IFFO2: variants seen among roughly 807,000 people sequenced by gnomAD.
IFFO2 encodes the protein intermediate filament family orphan 2.
Under a neutral mutation model 53.5 loss-of-function variants are expected in IFFO2, and 19 were observed. The ratio of observed to expected loss-of-function variants is 0.36; its 90% CI spans 0.25 to 0.52. The LOEUF is 0.52. Among genes scored for constraint, IFFO2 ranks in the 20% least tolerant of loss-of-function variants. IFFO2 has a pLI of 0.94. For synonymous variants in IFFO2, 303 were observed against 313.6 expected (o/e 0.97, Z 0.36); for missense variants, 570 against 727.4 (o/e 0.78, Z 2.49).
chr1:18,927,884 C>T (rs529147071), intron 1 of IFFO2, among the ~76,000 whole-genome samples: 18 of 152,318 alleles, frequency 1.2e-4, no homozygotes, highest in Admixed American at 8.5e-4. Context: ...AAACCACAAC[C>T]GAGTCAACTT....
At chr1:18,932,238 G>A (rs1046498472) in intron 1 of IFFO2, among the ~76,000 whole-genome samples, 2 of 152,244 alleles carry the variant, frequency 1.3e-5, no homozygotes, top group African/African-American at 4.8e-5. Context: ...CACAGGCTCC[G>A]AATAAACGGA....
intron 7 of IFFO2, 29 bp downstream of exon 7, chr1:18,911,355 C>T (rs1256289340): frequency 3.2e-5 from 40 of 1,248,928 alleles, no homozygotes; most frequent in East Asian, 5.7e-5. Context: ...GAGAGCCTCA[C>T]GAGTGGGCTC....
At position 18,908,587 on chromosome 1, in the gene IFFO2, C is replaced by A; in HGVS notation, c.1528G>T (p.Ala510Ser). ...CAGCTGACCATGGGCTCCACATCCG[C>A]CTCGCGCTCGAACTCATCCTGGATC... ...DEIQDEFERE[A>S]DVEPMVS Residue 510 changes from alanine (A) to serine (S), a missense_variant, in exon 9 of 9, where the codon GCG becomes TCG. Physicochemically the swap from Ala to Ser is moderately conservative, Grantham distance 99. Transcript: ENST00000455833. 2 of 1,551,754 alleles carry A rather than the reference C, an allele frequency of 1.3e-6. No homozygotes were observed. Among genetic ancestry groups the A allele is most frequent in the Non-Finnish European group, 1.7e-6 (2 of 1,146,942 alleles).
intron 1 of IFFO2, among the ~76,000 whole-genome samples, chr1:18,939,194 C>T (rs1316308939): frequency 2.0e-5 from 3 of 152,210 alleles, no homozygotes; most frequent in Non-Finnish European, 4.4e-5. Flanking sequence ...CCCAGGACCG[C>T]CAGGAATCTG....
intron 1 of IFFO2, among the ~76,000 whole-genome samples, chr1:18,948,717 A>G (rs1290872646): frequency 1.3e-5 from 2 of 152,136 alleles, no homozygotes; most frequent in African/African-American, 4.8e-5. Context: ...GGGCTGTGCA[A>G]CTCACAGATG....
intron 1 of IFFO2, among the ~76,000 whole-genome samples, chr1:18,925,180 C>T (rs1488625362): frequency 6.6e-6 from 1 of 152,210 alleles, no homozygotes; most frequent in Admixed American, 6.5e-5. Flanking sequence ...CCGCTGAGCC[C>T]TCCCCTGGGG....
chr1:18,925,128 G>C (rs923080291), intron 1 of IFFO2, among the ~76,000 whole-genome samples: 3 of 152,110 alleles, frequency 2.0e-5, no homozygotes, highest in African/African-American at 7.2e-5. Context: ...CTTCTCGGTG[G>C]TATCCACCAC....
Position 18,918,289 on chromosome 1 carries a change from C to T in IFFO2, c.963+73G>A. 2.0e-6 allele frequency: 3 copies of T among 1,471,764 alleles called. No homozygotes were observed. The highest frequency in any genetic ancestry group is 2.5e-5 in the South Asian group (2 of 79,628). 91.2% of individuals were successfully genotyped at this position (1,471,764 alleles called of 1,614,324 possible). Reference sequence around the variant, plus strand: ...GGGATGTGGAGGCAAACGGGTTGGCCGGGCAGGGGTGGAGGCCAGGGCTGC... The same window carrying T: ...GGGATGTGGAGGCAAACGGGTTGGCTGGGCAGGGGTGGAGGCCAGGGCTGC... On this transcript the variant is annotated intron_variant, in intron 4 of 8. Transcript: ENST00000455833. This position sits in a 1 kb window ranked among gnomAD's most constrained non-coding sequence, Gnocchi z 5.2.
At chr1:18,938,972 C>T (rs1207790665) in intron 1 of IFFO2, among the ~76,000 whole-genome samples, 1 of 152,238 alleles carries the variant, frequency 6.6e-6, no homozygotes, top group East Asian at 1.9e-4. Context: ...GGCAACACTG[C>T]TTAACCCCTT....
chr1:18,946,412 T>A (rs1042463916), intron 1 of IFFO2, among the ~76,000 whole-genome samples: 8 of 138,710 alleles, frequency 5.8e-5, no homozygotes, highest in African/African-American at 2.2e-4. Flanking sequence ...CCACTTTCTT[T>A]TTTTTTTTTT....
At chr1:18,910,298 C>T in intron 8 of IFFO2, 44 bp downstream of exon 8, 1 of 1,563,876 alleles carries the variant, frequency 6.4e-7, no homozygotes, top group Non-Finnish European at 8.7e-7. Flanking sequence ...GAATTCCCCT[C>T]CAAGGATGCC....
chr1:18,911,600 A>G (rs2100641296), intron 6 of IFFO2, 124 bp from the exon 7 acceptor site: 1 of 426,110 alleles, frequency 2.3e-6, no homozygotes, highest in East Asian at 5.5e-5. Context: ...GTGCAGAGGT[A>G]TGATCTCGGC....
chr1:18,954,218 T>A (rs919340333), intron 1 of IFFO2, among the ~76,000 whole-genome samples: 1 of 152,242 alleles, frequency 6.6e-6, no homozygotes, highest in African/African-American at 2.4e-5. Context: ...TTCTACTCCC[T>A]GCTAGCTTGA....
chr1:18,918,271 G>A lies in IFFO2; in HGVS notation c.963+91C>T. The A allele has an allele frequency of 2.3e-6, 3 of 1,288,442 alleles. No homozygotes were observed. In the South Asian group the frequency reaches 4.1e-5, roughly 18 times the overall value. 79.8% of individuals were successfully genotyped at this position (1,288,442 alleles called of 1,614,324 possible). On this transcript the variant is annotated intron_variant, in intron 4 of 8. Transcript: ENST00000455833. The surrounding 1 kb of genome is among the most constrained non-coding windows in gnomAD (Gnocchi z 5.2). ...GAAGGGGAGGGAGTGAGTGGGATGT[G>A]GAGGCAAACGGGTTGGCCGGGCAGG...
At position 18,953,696 on chromosome 1, in the gene IFFO2, T is replaced by A. The variant is rs369208359; in HGVS notation, c.665+1972A>T. ...AAATGGAAGACAAGGTGTGCACGCA[T>A]CCCAGAAGGGCGGGAAGAGAGACGC... On this transcript the variant is annotated intron_variant, in intron 1 of 8. Transcript: ENST00000455833. Among the ~76,000 whole-genome samples the A allele has an allele frequency of 3.2e-4, 49 of 152,206 alleles. No homozygotes were observed. The East Asian group carries it at 3.9e-3, about 12-fold the overall frequency.
chr1:18,952,090 A>G (rs1936666156), intron 1 of IFFO2, among the ~76,000 whole-genome samples: 1 of 152,092 alleles, frequency 6.6e-6, no homozygotes, highest in East Asian at 1.9e-4. Flanking sequence ...AACTCAGGGA[A>G]CTCTCCACTG....
intron 1 of IFFO2, among the ~76,000 whole-genome samples, chr1:18,940,469 C>A (rs1936504884): frequency 6.6e-6 from 1 of 152,162 alleles, no homozygotes; most frequent in African/African-American, 2.4e-5. Context: ...TGCAAGCTCC[C>A]AGTTCATGCA....
rs1330890400 is a variant in IFFO2, at chr1:18,936,506, G to C, written c.666-15385C>G. Among the ~76,000 whole-genome samples the C allele has an allele frequency of 2.6e-5, 4 of 152,206 alleles. No individual in the cohort carries two copies. The highest frequency in any genetic ancestry group is 3.8e-4 in the East Asian group (2 of 5,198). The stretch of plus-strand genomic sequence containing the variant: ...AGGTCAAGAGGCAGGAGGCCCAGGG[G>C]GTCTGTGCCCAGGAGAGTGTGGGGG... On this transcript the variant is annotated intron_variant, in intron 1 of 8. Transcript: ENST00000455833. The surrounding 1 kb of genome is among the most constrained non-coding windows in gnomAD (Gnocchi z 4.5).
chr1:18,926,952 C>T lies in IFFO2; in HGVS notation c.666-5831G>A, dbSNP rs1936308077. 1.3e-5 allele frequency among the ~76,000 whole-genome samples: 2 copies of T among 152,150 alleles called. 1 individual carries two copies. Among genetic ancestry groups the T allele is most frequent in the South Asian group, 4.1e-4 (2 of 4,826 alleles). ...AAGCCCTCCAGGGACGAACCTGGGG[C>T]TCCTGGAGTGAGCATCCCAAGACAC... On this transcript the variant is annotated intron_variant, in intron 1 of 8. Transcript: ENST00000455833.
Sources: allele counts gnomAD v4.1 joint callset (sites outside exome capture counted in the v4.1 genomes callset), GRCh38; gene constraint gnomAD v4.1.1; non-coding constraint Gnocchi (gnomAD v3.1); transcripts MANE v1.5; gene names NCBI Gene and HGNC (gene_info 2026-07-23, HGNC 2026-07-21).